Variants in ARHGAP20 observed in about 807,000 individuals in gnomAD.
ARHGAP20 encodes rho GTPase-activating protein 20.
Under a neutral mutation model 73.7 loss-of-function variants are expected in ARHGAP20, and 34 were observed. The observed-to-expected ratio is 0.46, with a 90% CI of 0.35 to 0.61. The LOEUF is 0.61. ARHGAP20 is among the 20% of genes least tolerant of loss of function. The probability of loss-of-function intolerance (pLI) is 0.00; values close to 1 mark genes in which losing one functional copy is unlikely to be tolerated. For synonymous variants in ARHGAP20, 523 were observed against 518.2 expected, an observed-to-expected ratio of 1.01 and a Z score of -0.13; for missense variants, 1,314 against 1,420.9, an observed-to-expected ratio of 0.92 and a Z score of 1.21.
Position 110,602,230 on chromosome 11 carries a change from T to TA in ARHGAP20, c.964+4330_964+4331insT, listed in dbSNP as rs201981486. Among the ~76,000 whole-genome samples the TA allele has an allele frequency of 9.9e-5, 15 of 152,004 alleles. 1 individual carries two copies. The highest frequency in any genetic ancestry group is 3.1e-4 in the African/African-American group (13 of 41,392). On this transcript the variant is annotated intron_variant, in intron 9 of 14. Transcript: ENST00000683387. ...TCAGGATACCACAACATCTTTTTTT[T>TA]TTATTACTTATTATGTAAAAACAAT... is the stretch of plus-strand genomic sequence containing the variant.
intron 4 of ARHGAP20, among the ~76,000 whole-genome samples, chr11:110,616,833 C>G (rs1322971611): frequency 6.6e-5 from 10 of 151,992 alleles, no homozygotes; most frequent in Admixed American, 6.6e-4. Context: ...TGTTGAGAAA[C>G]AGATAAGAGC....
chr11:110,702,254 C>G lies in ARHGAP20; in HGVS notation c.105+9873G>C, dbSNP rs556075210. On this transcript the variant is annotated intron_variant, in intron 1 of 14. Coordinates refer to ENST00000683387, the MANE Select transcript of ARHGAP20 (RefSeq NM_001384657.1). ...ATATACGCAAATCAATAAATTTAAT[C>G]CAGCATATAAACAGAACCAAAGACA... 2.0e-5 allele frequency among the ~76,000 whole-genome samples: 3 copies of G among 152,188 alleles called. No homozygotes were observed. The South Asian group carries it at 6.2e-4, about 32-fold the overall frequency.
chr11:110,655,102 GTA>G (rs1245415108), intron 2 of ARHGAP20, among the ~76,000 whole-genome samples: 4 of 152,160 alleles, frequency 2.6e-5, no homozygotes, highest in African/African-American at 9.7e-5. Flanking sequence ...AGGAAGCTAA[GTA>G]GTCAGCTTTC....
intron 9 of ARHGAP20, 119 bp downstream of exon 9, chr11:110,606,442 C>G (rs556826672): frequency 1.8e-6 from 2 of 1,129,780 alleles, no homozygotes; most frequent in African/African-American, 3.2e-5. Context: ...TCCATCTTTC[C>G]TTTTCAAAAT....
At position 110,592,073 on chromosome 11, in the gene ARHGAP20, G is replaced by A. The variant is rs746491318; in HGVS notation, c.1047C>T (p.Asn349=). 6.8e-6 allele frequency: 11 copies of A among 1,614,052 alleles called. No homozygotes were observed. In the African/African-American group the frequency reaches 1.3e-4, roughly 20 times the overall value. The change falls in exon 10 of 15, where the codon AAC becomes AAT. Residue 349 remains asparagine, a synonymous_variant. Coordinates refer to ENST00000683387, the MANE Select transcript of ARHGAP20 (RefSeq NM_001384657.1). ...TAGGTGATGTTGGCGATGAGGGCAA[G>A]TTGTCCAGGTGAGTGCTAGAACCTC... is the stretch of plus-strand genomic sequence containing the variant. ...FWRGSSTHLD[N]LPSSPTSPMP... is the part of the protein sequence containing the mutation.
Position 110,712,192 on chromosome 11 carries a change from G to A in ARHGAP20, c.40C>T (p.Gln14Ter). 7.3e-7 allele frequency: 1 copy of A among 1,360,800 alleles called. No homozygotes were observed. Among genetic ancestry groups the A allele is most frequent in the Non-Finnish European group, 9.5e-7 (1 of 1,051,306 alleles). 84.3% of individuals were successfully genotyped at this position (1,360,800 alleles called of 1,614,324 possible). A position where few individuals can be genotyped will look rare whatever the true frequency, so the allele number is the denominator to read the frequency against. The change falls in exon 1 of 15, where the codon CAG becomes TAG. Residue 14 changes from glutamine (Q) to a stop codon, truncating the protein, a stop_gained. Transcript: ENST00000683387. LOFTEE classifies it high-confidence loss of function. Reference protein sequence around the residue: ...MSPQQETLGGQPGRSSSLTGV... With the variant: ...MSPQQETLGG ...GTCAGGGAAGAGGAGCGCCCCGGCT[G>A]TCCCCCTAGAGTCTCCTGCTGGGGG...
chr11:110,618,111 T>C (rs1948526210), intron 4 of ARHGAP20, among the ~76,000 whole-genome samples: 1 of 152,074 alleles, frequency 6.6e-6, no homozygotes, highest in African/African-American at 2.4e-5. Context: ...CCCCCCTTTA[T>C]GGCAAAGCAG....
chr11:110,603,088 A>G (rs1239057916), intron 9 of ARHGAP20, among the ~76,000 whole-genome samples: 1 of 152,240 alleles, frequency 6.6e-6, no homozygotes, highest in Non-Finnish European at 1.5e-5. Flanking sequence ...CCTGAAAAAT[A>G]TGGAAATCTA....
intron 2 of ARHGAP20, among the ~76,000 whole-genome samples, chr11:110,640,559 T>G (rs908411370): frequency 3.9e-5 from 6 of 152,118 alleles, no homozygotes; most frequent in South Asian, 2.1e-4. Flanking sequence ...ATTGAACATC[T>G]AGAATTAAAA....
intron 2 of ARHGAP20, among the ~76,000 whole-genome samples, chr11:110,649,201 CT>C (rs869156175): frequency 0.055 from 4,755 of 87,236 alleles, 31 homozygotes; most frequent in African/African-American, 0.095. Flanking sequence ...ATTATTAAAC[CT>C]TTTTTTTTTT....
chr11:110,615,625 T>C (rs759165371), intron 4 of ARHGAP20, 31 bp from the exon 5 acceptor site: 8 of 1,585,386 alleles, frequency 5.0e-6, no homozygotes, highest in Non-Finnish European at 6.9e-6. Context: ...AGAGAAAAAT[T>C]AAACCACATA....
At position 110,630,473 on chromosome 11, in the gene ARHGAP20, A is replaced by AT. The variant is rs35229947; in HGVS notation, c.353+154dup. Among the ~76,000 whole-genome samples the AT allele has an allele frequency of 3.6e-3, 544 of 151,470 alleles. 5 individuals carry two copies. The highest frequency in any genetic ancestry group is 0.011 in the African/African-American group (472 of 41,256). ...CACTTGTTGAAAAAATGAACAATCG[A>AT]TTTTTTTTTGCAATGAAGGGCATAA... On this transcript the variant is annotated intron_variant, in intron 3 of 14. Transcript: ENST00000683387.
chr11:110,612,510 A>G (rs904692875), intron 6 of ARHGAP20, among the ~76,000 whole-genome samples: 15 of 152,130 alleles, frequency 9.9e-5, no homozygotes, highest in African/African-American at 3.6e-4. Flanking sequence ...GAATTCCAAA[A>G]TACATTATTT....
chr11:110,597,145 TG>T, intron 9 of ARHGAP20, among the ~76,000 whole-genome samples: 1 of 32,602 alleles, frequency 3.1e-5, no homozygotes, highest in South Asian at 1.1e-3. Context: ...CGTTGTGGGG[TG>T]GGGGGAGGGG....
In ARHGAP20 at chr11:110,648,225, ATAT is replaced by A. The variant is rs1565457539; in HGVS notation, c.189-17436_189-17434del. Among the ~76,000 whole-genome samples the A allele has an allele frequency of 1.1e-3, 103 of 95,720 alleles. 3 individuals carry two copies. The highest frequency in any genetic ancestry group is 2.5e-3 in the Admixed American group (25 of 9,858). The allele number at this position is 95,720 out of a possible 152,430, so 62.8% of individuals were successfully genotyped here. ...TATATATGTAAATATATATATGTAT[ATAT>A]ATATATATGTAAATATATATATGTA... is the stretch of plus-strand genomic sequence containing the variant. On this transcript the variant is annotated intron_variant, in intron 2 of 14. Coordinates refer to ENST00000683387, the MANE Select transcript of ARHGAP20 (RefSeq NM_001384657.1).
chr11:110,595,971 G>A (rs1800859633), intron 9 of ARHGAP20, among the ~76,000 whole-genome samples: 1 of 151,972 alleles, frequency 6.6e-6, no homozygotes, highest in Admixed American at 6.6e-5. Context: ...ACAGAACAGA[G>A]CACTTAGAAA....
intron 9 of ARHGAP20, among the ~76,000 whole-genome samples, chr11:110,597,842 A>T (rs1948009671): frequency 6.6e-6 from 1 of 152,164 alleles, no homozygotes; most frequent in African/African-American, 2.4e-5. Context: ...GACTGAGATA[A>T]AAAAATTTCA....
rs1947312171 is a variant in ARHGAP20, at chr11:110,577,346, A to G, written c.*2024T>C. The G allele has an allele frequency of 3.6e-5, 45 of 1,237,028 alleles. No individual in the cohort carries two copies. Among genetic ancestry groups the G allele is most frequent in the Non-Finnish European group, 4.3e-5 (43 of 989,182 alleles). The allele number at this position is 1,237,028 out of a possible 1,614,324, so 76.6% of individuals were successfully genotyped here. A position where few individuals can be genotyped will look rare whatever the true frequency, so the allele number is the denominator to read the frequency against. On this transcript the variant is annotated 3_prime_UTR_variant, in exon 15 of 15. Transcript: ENST00000683387. ...TACTTTACAGCAATATTAACAAACT[A>G]TTCACATTAAGAATTACAGGAGTAT...
chr11:110,640,076 T>C (rs549015756), intron 2 of ARHGAP20, among the ~76,000 whole-genome samples: 3 of 152,176 alleles, frequency 2.0e-5, no homozygotes, highest in Admixed American at 2.0e-4. Context: ...AGTGTTACTT[T>C]AGACTTCTCC....
Sources: allele counts gnomAD v4.1 joint callset (sites outside exome capture counted in the v4.1 genomes callset), GRCh38; gene constraint gnomAD v4.1.1; transcripts MANE v1.5; gene names NCBI Gene and HGNC (gene_info 2026-07-23, HGNC 2026-07-21).